Variants in DNAH10 observed in about 807,000 individuals in gnomAD.
DNAH10 encodes dynein axonemal heavy chain 10, also known as axonemal beta dynein heavy chain 10.
DNAH10 carries 348 observed loss-of-function variants against 506.6 expected under a neutral mutation model. The ratio of observed to expected loss-of-function variants is 0.69; its 90% CI spans 0.63 to 0.75. DNAH10 has a LOEUF of 0.75. Ranked by LOEUF, DNAH10 falls within the 30% of genes least tolerant of loss-of-function variation. The pLI is 0.00. For synonymous variants in DNAH10, 2,059 were observed against 2,198.6 expected (o/e 0.94, Z 1.78); for missense variants, 5,179 against 5,787.1 (o/e 0.89, Z 3.41).
intron 7 of DNAH10, 118 bp downstream of exon 7, chr12:123,783,382 C>A: frequency 8.1e-7 from 1 of 1,233,174 alleles, no homozygotes; most frequent in Non-Finnish European, 1.1e-6. Context: ...TTTATGACTT[C>A]CTTAAGCCAT....
chr12:123,861,236 C>T (rs1015888427), intron 39 of DNAH10, 66 bp downstream of exon 39: 41 of 1,555,516 alleles, frequency 2.6e-5, no homozygotes, highest in African/African-American at 1.8e-4. Flanking sequence ...ACATTAAAAA[C>T]GGTGGCAGGA....
At chr12:123,806,182 G>A (rs1273026410) in intron 18 of DNAH10, among the ~76,000 whole-genome samples, 2 of 152,092 alleles carry the variant, frequency 1.3e-5, no homozygotes, top group African/African-American at 4.8e-5. Flanking sequence ...TCCCTTTCAC[G>A]TTGGCTGCTA....
Position 123,897,948 on chromosome 12 carries a change from G to A in DNAH10, c.9459G>A (p.Glu3153=). The A allele has an allele frequency of 6.3e-7, 1 of 1,596,724 alleles. No individual in the cohort carries two copies. Among genetic ancestry groups the A allele is most frequent in the Non-Finnish European group, 8.5e-7 (1 of 1,174,962 alleles). The change falls in exon 55 of 79, where the codon GAG becomes GAA. Residue 3153 remains glutamate (E), a synonymous_variant. Coordinates refer to ENST00000673944, the MANE Select transcript of DNAH10 (RefSeq NM_001372106.1). ...ACACCTATTCAAAATTGCTGGATGA[G>A]AAAACTCAGTGTAATATAGGTAAGC... ...FINTYSKLLD[E]KTQCNIAQCK...
intron 52 of DNAH10, among the ~76,000 whole-genome samples, chr12:123,891,960 G>A (rs77781252): frequency 0.031 from 4,717 of 152,312 alleles, 233 homozygotes; most frequent in African/African-American, 0.11. Context: ...CAACTCGTGT[G>A]AAGTACTGCC....
At chr12:123,844,021 T>A (rs112129004) in intron 30 of DNAH10, among the ~76,000 whole-genome samples, 12 of 152,300 alleles carry the variant, frequency 7.9e-5, no homozygotes, top group Admixed American at 7.2e-4. Flanking sequence ...CTGGGTAATT[T>A]ATAAAGAAAA....
intron 35 of DNAH10, among the ~76,000 whole-genome samples, chr12:123,851,923 G>A (rs1951191652): frequency 6.6e-6 from 1 of 152,268 alleles, no homozygotes; most frequent in South Asian, 2.1e-4. Flanking sequence ...ACAGGCAGAT[G>A]CCATCACACC....
chr12:123,768,848 C>T (rs1195957541), intron 2 of DNAH10, among the ~76,000 whole-genome samples: 1 of 152,090 alleles, frequency 6.6e-6, no homozygotes. Context: ...AAGCAATCCT[C>T]CTGACTCAGG....
chr12:123,928,705 GA>G lies in DNAH10; in HGVS notation c.12306+121del. The G allele has an allele frequency of 8.3e-7, 1 of 1,207,802 alleles. No individual in the cohort carries two copies. Among genetic ancestry groups the G allele is most frequent in the Non-Finnish European group, 1.1e-6 (1 of 883,152 alleles). The allele number at this position is 1,207,802 out of a possible 1,614,324, so 74.8% of individuals were successfully genotyped here. ...TAGAAATAAACCTTAGGCTGCAGGT[GA>G]AACCTTGCGGTTGAAACCCTTCTCA... is the stretch of plus-strand genomic sequence containing the variant. On this transcript the variant is annotated intron_variant, in intron 70 of 78. Transcript: ENST00000673944. The surrounding 1 kb of genome is among the most constrained non-coding windows in gnomAD (Gnocchi z 4.9).
chr12:123,856,511 G>A (rs1951397976), intron 36 of DNAH10, among the ~76,000 whole-genome samples: 1 of 149,964 alleles, frequency 6.7e-6, no homozygotes, highest in Non-Finnish European at 1.5e-5. Flanking sequence ...TAATTTTTGT[G>A]TTTTTAGTAG....
rs563692488 is a variant in DNAH10 at position 123,893,545 on chromosome 12, G to T, written c.9199+109G>T. On this transcript the variant is annotated intron_variant, in intron 53 of 78. Transcript: ENST00000673944. ...CCCCCAGCAAAGCAAAACAAGACAC[G>T]GCCATTAGGTGGAAATGTGGGCTCT... 2.3e-5 allele frequency: 29 copies of T among 1,267,538 alleles called. No individual in the cohort carries two copies. The South Asian group carries it at 3.4e-4, about 15-fold the overall frequency. The allele number at this position is 1,267,538 out of a possible 1,614,324, so 78.5% of individuals were successfully genotyped here. A position where few individuals can be genotyped will look rare whatever the true frequency, so the allele number is the denominator to read the frequency against.
intron 52 of DNAH10, among the ~76,000 whole-genome samples, chr12:123,890,854 G>A (rs965034489): frequency 1.3e-5 from 2 of 152,120 alleles, no homozygotes; most frequent in African/African-American, 4.8e-5. Flanking sequence ...CTGGTGGAGC[G>A]AGTGATCAGT....
At chr12:123,768,141 C>T (rs7302406) in intron 2 of DNAH10, among the ~76,000 whole-genome samples, 25,749 of 109,182 alleles carry the variant, frequency 0.24, 4,559 homozygotes, top group African/African-American at 0.54. Flanking sequence ...TCCTCCTCCT[C>T]CTTTTTTTTT....
In DNAH10 at chr12:123,784,135, A is replaced by G. The variant is rs369756810; in HGVS notation, c.1188A>G (p.Ser396=). The G allele has an allele frequency of 1.2e-5, 19 of 1,614,130 alleles. No homozygotes were observed. Among genetic ancestry groups the G allele is most frequent in the Non-Finnish European group, 1.5e-5 (18 of 1,180,046 alleles). Residue 396 remains serine (S), a synonymous_variant, in exon 8 of 79, where the codon TCA becomes TCG. Transcript: ENST00000673944. ...TELFKFHTEA[S]DNVRFLSTVE... is the part of the protein sequence containing the mutation. ...TATTCAAGTTCCACACGGAGGCCTC[A>G]GACAATGTGCGCTTTCTCTCCACCG... is the stretch of plus-strand genomic sequence containing the variant.
chr12:123,860,895 T>A, intron 38 of DNAH10, 117 bp from the exon 39 acceptor site: 1 of 1,355,394 alleles, frequency 7.4e-7, no homozygotes, highest in Non-Finnish European at 1.0e-6. Context: ...TTGCATGGGT[T>A]GCATTTTCAA....
chr12:123,802,234 AC>A (rs1410340180), intron 16 of DNAH10, among the ~76,000 whole-genome samples: 3 of 152,308 alleles, frequency 2.0e-5, no homozygotes, highest in Admixed American at 6.5e-5. Flanking sequence ...AGGAGTCTTC[AC>A]TTTTTCTGGG....
In DNAH10 at chr12:123,762,640, C is replaced by T. The variant is rs1956870143; in HGVS notation, c.214+90C>T. On this transcript the variant is annotated intron_variant, in intron 1 of 78. Transcript: ENST00000673944. The surrounding 1 kb of genome is among the most constrained non-coding windows in gnomAD (Gnocchi z 5.0). ...GGCGCCGGGGCTGCTAGAGCCTGCCCATCGTCCGGCCCCGGCCTCAGGTGC... is the reference window on the plus strand; with the variant it reads ...GGCGCCGGGGCTGCTAGAGCCTGCCTATCGTCCGGCCCCGGCCTCAGGTGC... 1 of 1,358,598 alleles carries T rather than the reference C, an allele frequency of 7.4e-7. No individual in the cohort carries two copies. Among genetic ancestry groups the T allele is most frequent in the Admixed American group, 2.4e-5 (1 of 42,046 alleles). 84.2% of individuals were successfully genotyped at this position (1,358,598 alleles called of 1,614,324 possible). A position where few individuals can be genotyped will look rare whatever the true frequency, so the allele number is the denominator to read the frequency against.
intron 51 of DNAH10, among the ~76,000 whole-genome samples, chr12:123,886,586 A>C (rs1338567636): frequency 6.6e-6 from 1 of 151,866 alleles, no homozygotes; most frequent in Non-Finnish European, 1.5e-5. Flanking sequence ...TGACTGTGTG[A>C]GTGTGACAGT....
rs1269870394 is a variant in DNAH10, at chr12:123,841,432, GC to G, written c.5248del (p.Arg1750GlyfsTer10). On this transcript the variant is annotated frameshift_variant, in exon 30 of 79. Coordinates refer to ENST00000673944, the MANE Select transcript of DNAH10 (RefSeq NM_001372106.1). LOFTEE classifies it high-confidence loss of function. ...AAGTCATGGAGTTTCGGAAGATCTTGCGGGCTGAAGGGCGCGTGGAGGACTG... is the reference window on the plus strand; with the variant it reads ...AAGTCATGGAGTTTCGGAAGATCTTGGGGCTGAAGGGCGCGTGGAGGACTG... ...GEVMEFRKIL[R>X]AEGRVEDWMT... The G allele has an allele frequency of 1.2e-6, 2 of 1,613,924 alleles. No individual in the cohort carries two copies. The highest frequency in any genetic ancestry group is 1.7e-5 in the Admixed American group (1 of 60,008).
chr12:123,795,810 T>G (rs1114628), intron 12 of DNAH10, among the ~76,000 whole-genome samples: 115,952 of 152,018 alleles, frequency 0.76, 45,251 homozygotes, highest in East Asian at 1. Context: ...AAAAACACAG[T>G]TCTGGTGACT....
Sources: allele counts gnomAD v4.1 joint callset (sites outside exome capture counted in the v4.1 genomes callset), GRCh38; gene constraint gnomAD v4.1.1; non-coding constraint Gnocchi (gnomAD v3.1); transcripts MANE v1.5; gene names NCBI Gene and HGNC (gene_info 2026-07-23, HGNC 2026-07-21).